The following TIAM1 variants were observed in gnomAD, a reference collection of about 807,000 sequenced individuals.
The protein encoded by TIAM1 is rho guanine nucleotide exchange factor TIAM1.
In TIAM1, 65 loss-of-function variants were observed where a neutral mutation model predicts 163.5. The ratio of observed to expected loss-of-function variants is 0.40; its 90% CI spans 0.33 to 0.49. TIAM1 has a LOEUF of 0.49. Ranked by LOEUF, TIAM1 falls within the 20% of genes least tolerant of loss-of-function variation. TIAM1 has a pLI of 0.77. For synonymous variants in TIAM1, 833 were observed against 810.1 expected, an observed-to-expected ratio of 1.03 and a Z score of -0.48; for missense variants, 1,789 against 2,044.7, an observed-to-expected ratio of 0.87 and a Z score of 2.41.
At chr21:31,314,834 G>T (rs2075049969) in intron 2 of TIAM1, among the ~76,000 whole-genome samples, 1 of 152,138 alleles carries the variant, frequency 6.6e-6, no homozygotes, top group South Asian at 2.1e-4. Context: ...CCAGGACAAG[G>T]ATGCTTAGCA....
At chr21:31,285,139 A>G (rs2073745008) in intron 2 of TIAM1, among the ~76,000 whole-genome samples, 1 of 152,182 alleles carries the variant, frequency 6.6e-6, no homozygotes, top group South Asian at 2.1e-4. Flanking sequence ...CTTCATCAGG[A>G]AGCAGAACAG....
chr21:31,382,843 T>C (rs2076801131), intron 2 of TIAM1, among the ~76,000 whole-genome samples: 1 of 152,226 alleles, frequency 6.6e-6, no homozygotes, highest in Non-Finnish European at 1.5e-5. Context: ...AAGTATGCTT[T>C]TATGCCTTCA....
chr21:31,287,209 G>C (rs1328339692), intron 2 of TIAM1, among the ~76,000 whole-genome samples: 1 of 152,146 alleles, frequency 6.6e-6, no homozygotes, highest in Non-Finnish European at 1.5e-5. Context: ...AGCATCTTAT[G>C]AAAAAGAGTA....
At chr21:31,346,607 CAG>C (rs1207954500), upstream of TIAM1, among the ~76,000 whole-genome samples, 5 of 152,216 alleles carry the variant, frequency 3.3e-5, no homozygotes, top group Admixed American at 3.3e-4. Flanking sequence ...AGAGATGTGA[CAG>C]ATACTGAGAC....
intron 2 of TIAM1, among the ~76,000 whole-genome samples, chr21:31,385,386 C>T (rs897566077): frequency 4.6e-5 from 7 of 152,124 alleles, no homozygotes; most frequent in African/African-American, 1.7e-4. Flanking sequence ...TAGAATGGGA[C>T]TTTCAAAATC....
At chr21:31,349,489 C>CG (rs2076200067) in intron 2 of TIAM1, among the ~76,000 whole-genome samples, 1 of 152,176 alleles carries the variant, frequency 6.6e-6, no homozygotes, top group Admixed American at 6.5e-5. Flanking sequence ...CATGTGTTCA[C>CG]GGGGGGTAAA....
chr21:31,178,057 G>A (rs750370622), intron 15 of TIAM1, among the ~76,000 whole-genome samples: 11 of 152,118 alleles, frequency 7.2e-5, no homozygotes, highest in Non-Finnish European at 1.5e-4. Context: ...AAATTTTCTC[G>A]GTTGTTTTCT....
chr21:31,192,109 G>A (rs1250901305), intron 13 of TIAM1, among the ~76,000 whole-genome samples: 2 of 152,086 alleles, frequency 1.3e-5, no homozygotes, highest in Non-Finnish European at 2.9e-5. Context: ...CATTCTCCTG[G>A]CTTTATTATG....
At chr21:31,215,067 T>C (rs1029128061) in intron 9 of TIAM1, among the ~76,000 whole-genome samples, 14 of 152,230 alleles carry the variant, frequency 9.2e-5, no homozygotes, top group African/African-American at 3.4e-4. Context: ...CATTACATTG[T>C]GCTTTGATTT....
At chr21:31,382,735 T>C (rs1242115967) in intron 2 of TIAM1, among the ~76,000 whole-genome samples, 1 of 152,144 alleles carries the variant, frequency 6.6e-6, no homozygotes, top group African/African-American at 2.4e-5. Flanking sequence ...AAAGTCAAGG[T>C]CTTTGCTACA....
At chr21:31,134,406 TC>T (rs1021566024) in intron 23 of TIAM1, among the ~76,000 whole-genome samples, 10 of 151,758 alleles carry the variant, frequency 6.6e-5, no homozygotes, top group African/African-American at 2.4e-4. Context: ...ACTTCCCCCC[TC>T]CCCCAAAACA....
intron 1 of TIAM1, among the ~76,000 whole-genome samples, chr21:31,471,963 G>GGGAGCC (rs2045758301): frequency 7.4e-6 from 1 of 134,900 alleles, no homozygotes; most frequent in Non-Finnish European, 1.6e-5. Context: ...TGAGTCCACA[G>GGGAGCC]GGAGCCCTAC....
chr21:31,315,028 A>G (rs530600188), intron 2 of TIAM1, among the ~76,000 whole-genome samples: 2 of 152,276 alleles, frequency 1.3e-5, no homozygotes, highest in Admixed American at 1.3e-4. Context: ...TTTTGGTGAG[A>G]GTCGCCAAAC....
chr21:31,519,746 G>A (rs534564631), intron 1 of TIAM1, among the ~76,000 whole-genome samples: 2 of 152,122 alleles, frequency 1.3e-5, no homozygotes, highest in South Asian at 2.1e-4. Flanking sequence ...ATTCTGGCAC[G>A]CACTGCAACA....
At chr21:31,546,099 TAAC>T (rs936840466) in intron 1 of TIAM1, among the ~76,000 whole-genome samples, 4 of 150,738 alleles carry the variant, frequency 2.7e-5, no homozygotes, top group Admixed American at 2.0e-4. Flanking sequence ...TAAAAGAAAA[TAAC>T]AACCACCCTT....
At chr21:31,331,388 A>C (rs2075674338) in intron 2 of TIAM1, among the ~76,000 whole-genome samples, 1 of 152,214 alleles carries the variant, frequency 6.6e-6, no homozygotes, top group Non-Finnish European at 1.5e-5. Flanking sequence ...GCAGGCCCAT[A>C]GGCCCAACCA....
chr21:31,406,091 G>A (rs1361921782), intron 2 of TIAM1, among the ~76,000 whole-genome samples: 1 of 151,674 alleles, frequency 6.6e-6, no homozygotes, highest in Non-Finnish European at 1.5e-5. Flanking sequence ...CCCTGCTGGT[G>A]ATCACTGGCT....
chr21:31,233,328 T>C (rs970373487), intron 6 of TIAM1, among the ~76,000 whole-genome samples: 2 of 152,238 alleles, frequency 1.3e-5, no homozygotes, highest in African/African-American at 4.8e-5. Flanking sequence ...GTGTGAATTC[T>C]GAAAAGGCTT....
upstream of TIAM1, among the ~76,000 whole-genome samples, chr21:31,346,812 T>C (rs2076155822): frequency 6.6e-6 from 1 of 152,122 alleles, no homozygotes; most frequent in Non-Finnish European, 1.5e-5. Flanking sequence ...GCAGTGGGCT[T>C]ACACGGGGAG....
Sources: allele counts gnomAD v4.1 joint callset (sites outside exome capture counted in the v4.1 genomes callset), GRCh38; gene constraint gnomAD v4.1.1; transcripts MANE v1.5; gene names NCBI Gene and HGNC (gene_info 2026-07-23, HGNC 2026-07-21).